The following C1QTNF3 variants were observed in gnomAD, a reference collection of about 807,000 sequenced individuals.
C1QTNF3 encodes the protein C1q and TNF related 3.
Under a neutral mutation model 32.6 loss-of-function variants are expected in C1QTNF3, and 26 were observed. The observed-to-expected ratio is 0.80, with a 90% CI of 0.58 to 1.11. The LOEUF is 1.11. Ranked by LOEUF, C1QTNF3 falls within the 50% of genes least tolerant of loss-of-function variation. The probability of loss-of-function intolerance (pLI) is 0.00; values close to 1 mark genes in which losing one functional copy is unlikely to be tolerated. For synonymous variants in C1QTNF3, 155 were observed against 146.0 expected (o/e 1.06, Z -0.44); for missense variants, 362 against 398.2 (o/e 0.91, Z 0.77).
At chr5:34,033,110 G>T in intron 3 of C1QTNF3, 194 bp downstream of exon 3, 1 of 556,728 alleles carries the variant, frequency 1.8e-6, no homozygotes. Context: ...TCCTCCCTAA[G>T]AATAGTATCT....
chr5:34,229,062 T>G, the C1QTNF3 span, among the ~76,000 whole-genome samples: 2 of 152,072 alleles, frequency 1.3e-5, no homozygotes, highest in Admixed American at 1.3e-4. Context: ...GAGTATTAGA[T>G]AAATAGAAAT....
At chr5:34,112,853 T>C in the C1QTNF3 span, among the ~76,000 whole-genome samples, 10 of 152,150 alleles carry the variant, frequency 6.6e-5, no homozygotes, top group Admixed American at 1.3e-4. Flanking sequence ...CAGCAGTCCA[T>C]GAAGTTTGGT....
intron 1 of C1QTNF3, among the ~76,000 whole-genome samples, chr5:34,041,271 T>G (rs1404047456): frequency 6.6e-6 from 1 of 152,326 alleles, no homozygotes; most frequent in African/African-American, 2.4e-5. Context: ...CTAAATATCC[T>G]CAATATCTCC....
chr5:34,104,933 T>G, the C1QTNF3 span, among the ~76,000 whole-genome samples: 1 of 152,126 alleles, frequency 6.6e-6, no homozygotes. Flanking sequence ...GTGAGAAGAT[T>G]TTTAAAAGTT....
the C1QTNF3 span, among the ~76,000 whole-genome samples, chr5:34,088,175 A>G: frequency 6.6e-6 from 1 of 152,166 alleles, no homozygotes; most frequent in Non-Finnish European, 1.5e-5. Context: ...CAGATGGGTT[A>G]GGCCTTCTCT....
At chr5:34,172,022 A>C in the C1QTNF3 span, among the ~76,000 whole-genome samples, 1 of 152,182 alleles carries the variant, frequency 6.6e-6, no homozygotes, top group Non-Finnish European at 1.5e-5. Context: ...CAAATGTTAT[A>C]ATAAAATTAA....
chr5:34,197,766 G>T, the C1QTNF3 span, among the ~76,000 whole-genome samples: 1 of 151,880 alleles, frequency 6.6e-6, no homozygotes, highest in Non-Finnish European at 1.5e-5. Context: ...CCATAGACAG[G>T]GTAGCTTATA....
At chr5:34,228,827 A>C in the C1QTNF3 span, among the ~76,000 whole-genome samples, 6 of 151,612 alleles carry the variant, frequency 4.0e-5, no homozygotes, top group African/African-American at 1.5e-4. Context: ...TACTATTCCT[A>C]ATTCCTCTAT....
At chr5:34,207,815 T>C in the C1QTNF3 span, among the ~76,000 whole-genome samples, 6 of 150,180 alleles carry the variant, frequency 4.0e-5, no homozygotes, top group African/African-American at 1.5e-4. Flanking sequence ...TGAGACAGAG[T>C]CTCACTCAGT....
the C1QTNF3 span, among the ~76,000 whole-genome samples, chr5:34,069,748 A>G: frequency 6.6e-6 from 1 of 152,248 alleles, no homozygotes; most frequent in African/African-American, 2.4e-5. Context: ...TAGGTAAGCA[A>G]AAGTGAATAG....
At chr5:34,091,954 T>G in the C1QTNF3 span, among the ~76,000 whole-genome samples, 2 of 152,000 alleles carry the variant, frequency 1.3e-5, no homozygotes, top group African/African-American at 4.8e-5. Flanking sequence ...TATTCAATTG[T>G]TAACGTTGAC....
At chr5:34,044,249 A>C (rs999811839), upstream of C1QTNF3, among the ~76,000 whole-genome samples, 2 of 152,244 alleles carry the variant, frequency 1.3e-5, no homozygotes, top group African/African-American at 4.8e-5. Flanking sequence ...TAATAAATTA[A>C]GAGAATTTAA....
At chr5:34,239,217 A>G in the C1QTNF3 span, among the ~76,000 whole-genome samples, 1 of 152,010 alleles carries the variant, frequency 6.6e-6, no homozygotes, top group South Asian at 2.1e-4. Flanking sequence ...CACAGGCACT[A>G]TAAAGTATCT....
the C1QTNF3 span, among the ~76,000 whole-genome samples, chr5:34,073,080 C>A: frequency 6.6e-6 from 1 of 152,194 alleles, no homozygotes; most frequent in South Asian, 2.1e-4. Flanking sequence ...GTAATCCCAG[C>A]ACTTTGGGAA....
chr5:34,135,374 TTC>T, the C1QTNF3 span, among the ~76,000 whole-genome samples: 1 of 152,158 alleles, frequency 6.6e-6, no homozygotes, highest in East Asian at 1.9e-4. Context: ...TGGTCTAAAA[TTC>T]TCTTATTTTT....
intron 1 of C1QTNF3, among the ~76,000 whole-genome samples, chr5:34,042,551 A>G (rs1754894523): frequency 6.6e-6 from 1 of 152,182 alleles, no homozygotes; most frequent in Non-Finnish European, 1.5e-5. Flanking sequence ...CATAGCAGGA[A>G]GCTGGCTGGC....
chr5:34,084,417 G>GT, the C1QTNF3 span, among the ~76,000 whole-genome samples: 1 of 151,654 alleles, frequency 6.6e-6, no homozygotes, highest in Admixed American at 6.6e-5. Flanking sequence ...AAAGATAAAC[G>GT]TATCTCTATC....
chr5:34,091,972 T>G, the C1QTNF3 span, among the ~76,000 whole-genome samples: 1 of 151,860 alleles, frequency 6.6e-6, no homozygotes, highest in African/African-American at 2.4e-5. Context: ...GACTACAAGA[T>G]GATTAAAAAA....
chr5:34,145,365 C>A, the C1QTNF3 span, among the ~76,000 whole-genome samples: 4 of 151,924 alleles, frequency 2.6e-5, no homozygotes, highest in Non-Finnish European at 4.4e-5. Flanking sequence ...CTACTATGAA[C>A]AACTCTATGC....
Sources: gnomAD v4.1 joint callset for allele counts (sites outside exome capture counted in the v4.1 genomes callset) on GRCh38, gnomAD v4.1.1 for gene constraint, MANE v1.5 for transcripts, NCBI Gene and HGNC (gene_info 2026-07-23, HGNC 2026-07-21) for gene names.